The following TJP1 variants were observed in gnomAD, a reference collection of about 807,000 sequenced individuals.
TJP1 encodes tight junction protein 1, also known as tight junction protein ZO-1.
TJP1 carries 43 observed loss-of-function variants against 194.2 expected under a neutral mutation model. The observed-to-expected ratio is 0.22, with a 90% CI of 0.17 to 0.29. The LOEUF (loss-of-function observed/expected upper bound fraction) is 0.29. Among genes scored for constraint, TJP1 ranks in the 10% least tolerant of loss-of-function variants. The pLI is 1.00. For synonymous variants in TJP1, 801 were observed against 779.0 expected, an observed-to-expected ratio of 1.03 and a Z score of -0.47; for missense variants, 1,971 against 2,185.7, an observed-to-expected ratio of 0.90 and a Z score of 1.96.
chr15:29,778,889 T>C (rs1398535210), intron 2 of TJP1, among the ~76,000 whole-genome samples: 1 of 152,168 alleles, frequency 6.6e-6, no homozygotes, highest in East Asian at 1.9e-4. Flanking sequence ...TACACACTTG[T>C]GCTACTTAAC....
At chr15:29,936,539 G>A (rs902556109) in intron 2 of TJP1, among the ~76,000 whole-genome samples, 5 of 152,120 alleles carry the variant, frequency 3.3e-5, no homozygotes, top group African/African-American at 1.2e-4. Context: ...CCAAACTGAG[G>A]CTTTCTTCCC....
chr15:29,949,013 C>G (rs1460902406), intron 2 of TJP1, among the ~76,000 whole-genome samples: 1 of 149,080 alleles, frequency 6.7e-6, no homozygotes. Flanking sequence ...ACCTCCACCA[C>G]TTCTACCCTC....
At chr15:29,749,818 G>A (rs765233002) in intron 8 of TJP1, among the ~76,000 whole-genome samples, 4 of 152,150 alleles carry the variant, frequency 2.6e-5, no homozygotes, top group Non-Finnish European at 5.9e-5. Flanking sequence ...ACCAAGGAGA[G>A]TAGCTGCTCC....
rs546129751 is a variant in TJP1, at chr15:29,840,518, G to A, written c.307-39816C>T. Reference sequence around the variant, plus strand: ...GAAGACAGGCTCGGCAGACTTTCCCGTGAGAGAAATGCTCCAGACAGCACC... The same window carrying A: ...GAAGACAGGCTCGGCAGACTTTCCCATGAGAGAAATGCTCCAGACAGCACC... On this transcript the variant is annotated intron_variant, in intron 2 of 28. Coordinates refer to the TJP1 transcript ENST00000356107. Among the ~76,000 whole-genome samples the A allele has an allele frequency of 6.6e-5, 10 of 152,282 alleles. No individual in the cohort carries two copies. In the South Asian group the frequency reaches 8.3e-4, roughly 13 times the overall value.
chr15:29,701,014 T>TAA lies in TJP1; in HGVS notation c.*580_*581insTT, dbSNP rs2041508931. On this transcript the variant is annotated 3_prime_UTR_variant, in exon 28 of 28. Coordinates refer to ENST00000614355, the MANE Select transcript of TJP1 (RefSeq NM_001330239.4). ...GCCATGGAACCAGTCTCACATGCTT[T>TAA]TGTATCCTTCCCTAAGAAAAATGTG... is the stretch of plus-strand genomic sequence containing the variant. 1 of 153,112 alleles carries TAA rather than the reference T, an allele frequency of 6.5e-6. No individual in the cohort carries two copies. The highest frequency in any genetic ancestry group is 2.4e-5 in the African/African-American group (1 of 41,460). 9.5% of individuals were successfully genotyped at this position (153,112 alleles called of 1,614,324 possible). A position where few individuals can be genotyped will look rare whatever the true frequency, so the allele number is the denominator to read the frequency against.
chr15:29,853,795 G>A (rs548211734), intron 2 of TJP1, among the ~76,000 whole-genome samples: 4 of 152,212 alleles, frequency 2.6e-5, no homozygotes, highest in Non-Finnish European at 4.4e-5. Context: ...TTGTTTTCAG[G>A]ATCCTGAAGG....
At chr15:29,712,997 A>G (rs1010660074) in intron 23 of TJP1, among the ~76,000 whole-genome samples, 20 of 152,168 alleles carry the variant, frequency 1.3e-4, no homozygotes, top group African/African-American at 3.6e-4. Flanking sequence ...TCCATCTCCA[A>G]TCGTAAGCTG....
intron 2 of TJP1, among the ~76,000 whole-genome samples, chr15:29,938,794 T>C (rs1011800062): frequency 1.3e-5 from 2 of 152,238 alleles, no homozygotes; most frequent in Non-Finnish European, 2.9e-5. Context: ...AGTAGAGTTA[T>C]GGTGGGCAAG....
chr15:29,705,605 G>A lies in TJP1; in HGVS notation c.4991C>T (p.Pro1664Leu), dbSNP rs1339329686. 1 of 1,614,188 alleles carries A rather than the reference G, an allele frequency of 6.2e-7. No individual in the cohort carries two copies. The highest frequency in any genetic ancestry group is 1.3e-5 in the African/African-American group (1 of 75,046). ...VSIIIPQGAIPEGVEQEIYFK... is the reference protein window; with the variant it reads ...VSIIIPQGAILEGVEQEIYFK... ...ATAGATTTCCTGCTCAACTCCTTCG[G>A]GAATGGCTCCTTGAGGGATAATTAT... The change falls in exon 26 of 28, where the codon CCC becomes CTC. Residue 1664 changes from proline to leucine, a missense_variant. Coordinates refer to ENST00000614355, the MANE Select transcript of TJP1 (RefSeq NM_001330239.4).
At chr15:29,968,636 C>T (rs1283741883) in intron 1 of TJP1, 2 of 1,017,610 alleles carry the variant, frequency 2.0e-6, no homozygotes. Context: ...CCTAGCCCGG[C>T]TGGGGCTCCG....
upstream of TJP1, chr15:29,823,520 A>C (rs1413588140): frequency 6.6e-6 from 1 of 152,250 alleles, no homozygotes; most frequent in Admixed American, 6.5e-5. Flanking sequence ...AGAAATCATA[A>C]ACATCAGGCT....
chr15:29,756,214 G>C (rs1300139237), intron 8 of TJP1, among the ~76,000 whole-genome samples: 1 of 152,052 alleles, frequency 6.6e-6, no homozygotes. Context: ...AGTATTCCCA[G>C]CTCCTACAGC....
chr15:29,944,816 T>A (rs546787447), intron 2 of TJP1, among the ~76,000 whole-genome samples: 2 of 152,362 alleles, frequency 1.3e-5, no homozygotes, highest in East Asian at 3.9e-4. Context: ...TGGATCAAAG[T>A]CTGAAGATTT....
chr15:29,950,997 T>C (rs1427814784), intron 2 of TJP1, among the ~76,000 whole-genome samples: 1 of 152,166 alleles, frequency 6.6e-6, no homozygotes, highest in African/African-American at 2.4e-5. Flanking sequence ...GTGCGTGGCA[T>C]TTAGTGAGTG....
chr15:29,777,907 G>C (rs968164636), intron 2 of TJP1, among the ~76,000 whole-genome samples: 1 of 152,018 alleles, frequency 6.6e-6, no homozygotes, highest in African/African-American at 2.4e-5. Context: ...CTCCTTCAAA[G>C]AAGTTGGGGC....
At chr15:29,942,230 C>T (rs1021548965) in intron 2 of TJP1, among the ~76,000 whole-genome samples, 11 of 152,074 alleles carry the variant, frequency 7.2e-5, no homozygotes, top group South Asian at 2.1e-4. Context: ...AATAAGCTCC[C>T]GAACTAGCAG....
At chr15:29,870,965 C>T (rs2052495528) in intron 2 of TJP1, among the ~76,000 whole-genome samples, 1 of 152,218 alleles carries the variant, frequency 6.6e-6, no homozygotes, top group African/African-American at 2.4e-5. Flanking sequence ...CACGAGGGAA[C>T]TGGCGGCCAG....
intron 23 of TJP1, among the ~76,000 whole-genome samples, chr15:29,714,331 C>T (rs1033244349): frequency 2.6e-5 from 4 of 151,878 alleles, no homozygotes; most frequent in South Asian, 2.1e-4. Context: ...CTCCGCCTCC[C>T]GGGTTCATGC....
intron 2 of TJP1, among the ~76,000 whole-genome samples, chr15:29,883,432 T>A (rs2053009369): frequency 6.6e-6 from 1 of 152,226 alleles, no homozygotes; most frequent in Admixed American, 6.5e-5. Flanking sequence ...TATTTGCTCC[T>A]CAGTTGGAGG....
Sources: allele counts gnomAD v4.1 joint callset (sites outside exome capture counted in the v4.1 genomes callset), GRCh38; gene constraint gnomAD v4.1.1; transcripts MANE v1.5; gene names NCBI Gene and HGNC (gene_info 2026-07-23, HGNC 2026-07-21).